Variants in SHISA9 observed in about 807,000 individuals in gnomAD.
The protein encoded by SHISA9 is protein shisa-9.
In SHISA9, 13 loss-of-function variants were observed where a neutral mutation model predicts 38.0. The ratio of observed to expected loss-of-function variants is 0.34; its 90% CI spans 0.22 to 0.54. The LOEUF is 0.54. Among genes scored for constraint, SHISA9 ranks in the 20% least tolerant of loss-of-function variants. The pLI, the probability that SHISA9 is intolerant of heterozygous loss-of-function variation, is 0.91. For synonymous variants in SHISA9, 275 were observed against 242.0 expected (o/e 1.14, Z -1.27); for missense variants, 538 against 575.8 (o/e 0.93, Z 0.67).
chr16:13,259,759 G>A, the SHISA9 span, among the ~76,000 whole-genome samples: 2 of 152,254 alleles, frequency 1.3e-5, no homozygotes, highest in Admixed American at 1.3e-4. Context: ...TGGAAAGGCT[G>A]GGACACAGGG....
chr16:12,951,430 CCACTCTGCAGTTG>C, intron 2 of SHISA9, among the ~76,000 whole-genome samples: 1 of 152,160 alleles, frequency 6.6e-6, no homozygotes, highest in South Asian at 2.1e-4. Flanking sequence ...TGTAGTGACT[CCACTCTGCAGTTG>C]CAGAGGTGAA....
chr16:12,903,310 A>G (rs997088365), intron 1 of SHISA9, among the ~76,000 whole-genome samples: 1 of 152,118 alleles, frequency 6.6e-6, no homozygotes, highest in African/African-American at 2.4e-5. Context: ...GGCCGTGGCC[A>G]TCGCTGCAGA....
At chr16:13,433,386 C>T in the SHISA9 span, among the ~76,000 whole-genome samples, 37 of 152,158 alleles carry the variant, frequency 2.4e-4, no homozygotes, top group Admixed American at 2.4e-3. Context: ...GGTTAATACA[C>T]ATAAAGTACT....
chr16:12,988,926 A>G (rs74012222), intron 2 of SHISA9, among the ~76,000 whole-genome samples: 72 of 152,340 alleles, frequency 4.7e-4, no homozygotes, highest in African/African-American at 1.6e-3. Flanking sequence ...ACAACCTGCC[A>G]ACACCTTGCT....
intron 2 of SHISA9, among the ~76,000 whole-genome samples, chr16:13,010,960 A>C (rs945088050): frequency 6.6e-6 from 1 of 152,224 alleles, no homozygotes; most frequent in South Asian, 2.1e-4. Flanking sequence ...TCAAATTTTT[A>C]AAAAAGCTAG....
chr16:13,171,120 T>C (rs1208070540), intron 2 of SHISA9, among the ~76,000 whole-genome samples: 2 of 152,070 alleles, frequency 1.3e-5, no homozygotes, highest in African/African-American at 4.8e-5. Context: ...AGCAGGCGTG[T>C]CACATGGCAA....
At chr16:13,011,730 C>G (rs999403752) in intron 2 of SHISA9, among the ~76,000 whole-genome samples, 4 of 152,128 alleles carry the variant, frequency 2.6e-5, no homozygotes, top group Admixed American at 1.3e-4. Context: ...ACCGTATTAA[C>G]CAGGATGGTG....
chr16:13,341,132 C>A, the SHISA9 span, among the ~76,000 whole-genome samples: 1 of 152,198 alleles, frequency 6.6e-6, no homozygotes, highest in African/African-American at 2.4e-5. Flanking sequence ...GTATCCCCAG[C>A]ACCTGGCACA....
chr16:13,112,799 C>G (rs1292448046), intron 2 of SHISA9, among the ~76,000 whole-genome samples: 1 of 152,112 alleles, frequency 6.6e-6, no homozygotes, highest in Non-Finnish European at 1.5e-5. Context: ...TCCCACTCGC[C>G]TTTGTGATGG....
chr16:13,217,201 C>T (rs570442874), intron 4 of SHISA9, among the ~76,000 whole-genome samples: 1 of 152,180 alleles, frequency 6.6e-6, no homozygotes, highest in Non-Finnish European at 1.5e-5. Flanking sequence ...TGGCGCGAAC[C>T]CGGGAGGTGG....
chr16:12,956,884 A>G (rs1288332704), intron 2 of SHISA9, among the ~76,000 whole-genome samples: 5 of 152,152 alleles, frequency 3.3e-5, no homozygotes, highest in Admixed American at 3.3e-4. Flanking sequence ...TTTGTGCATT[A>G]TTTTTCAGTT....
the SHISA9 span, among the ~76,000 whole-genome samples, chr16:13,462,865 G>C: frequency 6.6e-6 from 1 of 152,126 alleles, no homozygotes; most frequent in Non-Finnish European, 1.5e-5. Flanking sequence ...AGGAGGCCGA[G>C]GCAGGAGAAT....
chr16:13,220,804 G>A (rs1389654809), intron 4 of SHISA9, among the ~76,000 whole-genome samples: 4 of 152,144 alleles, frequency 2.6e-5, no homozygotes, highest in East Asian at 1.9e-4. Context: ...CCTGTCCACC[G>A]TTGTCCAGTA....
chr16:13,110,580 G>T (rs1567215382), intron 2 of SHISA9, among the ~76,000 whole-genome samples: 1 of 152,150 alleles, frequency 6.6e-6, no homozygotes, highest in Non-Finnish European at 1.5e-5. Context: ...TCCAAAAAAA[G>T]TACAGGGAGA....
the SHISA9 span, among the ~76,000 whole-genome samples, chr16:13,512,842 G>A: frequency 7.9e-5 from 12 of 152,122 alleles, no homozygotes; most frequent in South Asian, 6.2e-4. Context: ...TCCTTATACC[G>A]TATACAAAAA....
the SHISA9 span, among the ~76,000 whole-genome samples, chr16:13,310,094 G>T: frequency 6.6e-6 from 1 of 152,064 alleles, no homozygotes; most frequent in Non-Finnish European, 1.5e-5. Flanking sequence ...CACCATGTTG[G>T]CCAGGCTGGT....
chr16:13,231,042 A>G (rs1169120133), intron 4 of SHISA9, among the ~76,000 whole-genome samples: 2 of 152,118 alleles, frequency 1.3e-5, no homozygotes, highest in Non-Finnish European at 2.9e-5. Context: ...TCATCCTGTG[A>G]CTAAGAATGC....
chr16:13,459,243 A>T, the SHISA9 span, among the ~76,000 whole-genome samples: 1 of 152,160 alleles, frequency 6.6e-6, no homozygotes, highest in Admixed American at 6.5e-5. Context: ...CTTACAAGTC[A>T]CGTGCAGCCC....
the SHISA9 span, among the ~76,000 whole-genome samples, chr16:13,555,569 C>A: frequency 6.6e-6 from 1 of 152,156 alleles, no homozygotes; most frequent in Admixed American, 6.5e-5. Flanking sequence ...GTACAACAAG[C>A]GTGTCAGACA....
Sources: gnomAD v4.1 joint callset for allele counts (sites outside exome capture counted in the v4.1 genomes callset) on GRCh38, gnomAD v4.1.1 for gene constraint, MANE v1.5 for transcripts, NCBI Gene and HGNC (gene_info 2026-07-23, HGNC 2026-07-21) for gene names.